Variants in TMEM108 observed in about 807,000 individuals in gnomAD.
The protein encoded by TMEM108 is transmembrane protein 108, also known as cancer/testis antigen 124.
Under a neutral mutation model 35.1 loss-of-function variants are expected in TMEM108, and 12 were observed. That is an observed-to-expected ratio of 0.34 (90% confidence interval 0.22 to 0.55). The LOEUF (loss-of-function observed/expected upper bound fraction) is 0.55. Ranked by LOEUF, TMEM108 falls within the 20% of genes least tolerant of loss-of-function variation. The pLI, the probability that TMEM108 is intolerant of heterozygous loss-of-function variation, is 0.89. For missense variants in TMEM108, 680 were observed against 753.3 expected (o/e 0.90, Z 1.14); for synonymous variants, 287 against 308.6 (o/e 0.93, Z 0.73).
chr3:133,227,414 C>T (rs1295119338), intron 2 of TMEM108, among the ~76,000 whole-genome samples: 9 of 147,900 alleles, frequency 6.1e-5, no homozygotes, highest in African/African-American at 1.5e-4. Context: ...AGGATGGTCT[C>T]GATCTCCTGA....
At chr3:133,073,510 C>CTCTCTCTCTCTCTCTATATATA in intron 2 of TMEM108, among the ~76,000 whole-genome samples, 90 of 43,856 alleles carry the variant, frequency 2.1e-3, no homozygotes, top group Middle Eastern at 0.016. Context: ...CTCTCTCTCT[C>CTCTCTCTCTCTCTCTATATATA]TATATATATA....
intron 2 of TMEM108, among the ~76,000 whole-genome samples, chr3:133,059,201 TCACA>T (rs1405584273): frequency 6.6e-6 from 1 of 152,198 alleles, no homozygotes; most frequent in Non-Finnish European, 1.5e-5. Flanking sequence ...CCTAAATGCT[TCACA>T]ATGGGGGTTA....
chr3:133,144,864 T>G (rs1389948160), intron 2 of TMEM108, among the ~76,000 whole-genome samples: 1 of 152,240 alleles, frequency 6.6e-6, no homozygotes. Context: ...TTCTGAATAT[T>G]AGCCCTTTGT....
Position 133,273,522 on chromosome 3 carries a change from C to T in TMEM108, c.40+44171C>T, listed in dbSNP as rs115853461. Among the ~76,000 whole-genome samples, 358 of 152,272 alleles carry T rather than the reference C, an allele frequency of 2.4e-3. 2 individuals are homozygous for T. Among genetic ancestry groups the T allele is most frequent in the African/African-American group, 7.9e-3 (328 of 41,556 alleles). On this transcript the variant is annotated intron_variant, in intron 3 of 5. Transcript: ENST00000321871. Reference sequence around the variant, plus strand: ...TACTCAGCAGGACTGACGTAGGAAGCAGGAGTGGGTGCTGACTTCAAAGGG... The same window carrying T: ...TACTCAGCAGGACTGACGTAGGAAGTAGGAGTGGGTGCTGACTTCAAAGGG...
At chr3:133,368,116 C>T (rs572925006) in intron 3 of TMEM108, among the ~76,000 whole-genome samples, 16 of 152,264 alleles carry the variant, frequency 1.1e-4, no homozygotes, top group African/African-American at 1.9e-4. Context: ...TGCTCTCTGA[C>T]GAGTGCACTG....
At chr3:133,188,512 G>C (rs984891023) in intron 2 of TMEM108, among the ~76,000 whole-genome samples, 1 of 151,712 alleles carries the variant, frequency 6.6e-6, no homozygotes, top group Non-Finnish European at 1.5e-5. Flanking sequence ...CCAGTTCCAG[G>C]TTTGTACTAT....
chr3:133,081,630 T>C (rs1521085), intron 2 of TMEM108, among the ~76,000 whole-genome samples: 95,821 of 152,052 alleles, frequency 0.63, 30,609 homozygotes, highest in African/African-American at 0.73. Flanking sequence ...ATAACACTTG[T>C]AACTCTGACT....
chr3:133,241,609 CTTTTTTTTTT>C (rs71136458), intron 3 of TMEM108, among the ~76,000 whole-genome samples: 1 of 76,236 alleles, frequency 1.3e-5, no homozygotes, highest in Admixed American at 1.6e-4. Flanking sequence ...TTTCCTGTGG[CTTTTTTTTTT>C]TTTTTTTTTT....
chr3:133,113,795 T>G (rs1260188940), intron 2 of TMEM108, among the ~76,000 whole-genome samples: 2 of 152,086 alleles, frequency 1.3e-5, no homozygotes, highest in East Asian at 3.8e-4. Context: ...CTGTATTGTT[T>G]GACGAAGTAT....
chr3:133,323,720 C>A (rs2071294834), intron 3 of TMEM108, among the ~76,000 whole-genome samples: 1 of 152,104 alleles, frequency 6.6e-6, no homozygotes, highest in Admixed American at 6.5e-5. Context: ...ATAGCCAAAG[C>A]AATACTAAGC....
intron 2 of TMEM108, among the ~76,000 whole-genome samples, chr3:133,179,579 T>G (rs557768013): frequency 4.6e-5 from 7 of 151,874 alleles, no homozygotes; most frequent in African/African-American, 1.7e-4. Context: ...CACCACTTGT[T>G]CTCACTCATA....
chr3:133,216,215 CA>C (rs966449418), intron 2 of TMEM108, among the ~76,000 whole-genome samples: 1 of 151,990 alleles, frequency 6.6e-6, no homozygotes, highest in Non-Finnish European at 1.5e-5. Context: ...TTAATTAGAA[CA>C]TTTTTAGTGT....
chr3:133,084,450 G>A (rs906240647), intron 2 of TMEM108, among the ~76,000 whole-genome samples: 1 of 152,322 alleles, frequency 6.6e-6, no homozygotes, highest in Non-Finnish European at 1.5e-5. Context: ...ATCTCATTAG[G>A]AAATGGTGTA....
At chr3:133,370,063 C>T (rs531271743) in intron 3 of TMEM108, among the ~76,000 whole-genome samples, 1 of 151,510 alleles carries the variant, frequency 6.6e-6, no homozygotes, top group African/African-American at 2.4e-5. Context: ...TGATTAGCAT[C>T]TTATATTACT....
intron 3 of TMEM108, among the ~76,000 whole-genome samples, chr3:133,324,762 G>A (rs989799880): frequency 6.6e-6 from 1 of 152,194 alleles, no homozygotes; most frequent in African/African-American, 2.4e-5. Flanking sequence ...TGGATCATGA[G>A]GTCAGGAGTT....
At chr3:133,052,600 G>A (rs1156909310) in intron 2 of TMEM108, among the ~76,000 whole-genome samples, 1 of 147,184 alleles carries the variant, frequency 6.8e-6, no homozygotes, top group Non-Finnish European at 1.5e-5. Flanking sequence ...GATCTCAATA[G>A]GAAAACTTCT....
chr3:133,367,406 G>A (rs374615990), intron 3 of TMEM108, among the ~76,000 whole-genome samples: 31 of 152,358 alleles, frequency 2.0e-4, no homozygotes, highest in South Asian at 1.0e-3. Context: ...TCCCAAGCAC[G>A]CACAGCCTGG....
chr3:133,281,523 G>A (rs4854708), intron 3 of TMEM108, among the ~76,000 whole-genome samples: 15,973 of 152,242 alleles, frequency 0.1, 1,278 homozygotes, highest in East Asian at 0.36. Context: ...CAAGGACAGC[G>A]TAGTTTAGTT....
chr3:133,133,225 G>A (rs1188619527), intron 2 of TMEM108, among the ~76,000 whole-genome samples: 3 of 152,112 alleles, frequency 2.0e-5, no homozygotes, highest in African/African-American at 4.8e-5. Context: ...GTAAAATGTG[G>A]CAAACTTTAT....
Sources: allele counts gnomAD v4.1 joint callset (sites outside exome capture counted in the v4.1 genomes callset), GRCh38; gene constraint gnomAD v4.1.1; transcripts MANE v1.5; gene names NCBI Gene and HGNC (gene_info 2026-07-23, HGNC 2026-07-21).